GAS7: variants seen among roughly 807,000 people sequenced by gnomAD.
GAS7 encodes growth arrest-specific protein 7.
In GAS7, 28 loss-of-function variants were observed where a neutral mutation model predicts 71.1. The ratio of observed to expected loss-of-function variants is 0.39; its 90% CI spans 0.29 to 0.54. The LOEUF (loss-of-function observed/expected upper bound fraction) is 0.54. Ranked by LOEUF, GAS7 falls within the 20% of genes least tolerant of loss-of-function variation. The probability of loss-of-function intolerance (pLI) is 0.62; values close to 1 mark genes in which losing one functional copy is unlikely to be tolerated. For missense variants in GAS7, 436 were observed against 627.8 expected (o/e 0.69, Z 3.27); for synonymous variants, 258 against 245.8 (o/e 1.05, Z -0.46).
intron 1 of GAS7, among the ~76,000 whole-genome samples, chr17:10,040,581 CTT>C (rs956270966): frequency 2.2e-4 from 32 of 144,212 alleles, no homozygotes; most frequent in African/African-American, 8.0e-4. Flanking sequence ...CCCCCACCTT[CTT>C]TCTCTCTCCC....
intron 2 of GAS7, among the ~76,000 whole-genome samples, chr17:10,009,187 G>A (rs1293246305): frequency 2.7e-5 from 4 of 150,612 alleles, no homozygotes; most frequent in African/African-American, 4.9e-5. Flanking sequence ...CGGGCGTAGT[G>A]GCGGGCGCCT....
chr17:10,146,989 T>C (rs369033630), intron 1 of GAS7, among the ~76,000 whole-genome samples: 2 of 143,428 alleles, frequency 1.4e-5, no homozygotes, highest in South Asian at 2.2e-4. Context: ...CTTCCTGTAG[T>C]TAGACAATAA....
chr17:9,967,157 G>A (rs994439161), intron 4 of GAS7, among the ~76,000 whole-genome samples: 1 of 140,422 alleles, frequency 7.1e-6, no homozygotes, highest in African/African-American at 2.7e-5. Context: ...CCCCATACTG[G>A]TACCTACTTT....
At chr17:9,977,244 C>T (rs1159426062) in intron 3 of GAS7, among the ~76,000 whole-genome samples, 1 of 152,156 alleles carries the variant, frequency 6.6e-6, no homozygotes, top group African/African-American at 2.4e-5. Context: ...CATACCAGCC[C>T]CATTCAAGTA....
At chr17:10,173,892 G>A (rs2074353322) in intron 1 of GAS7, among the ~76,000 whole-genome samples, 1 of 152,228 alleles carries the variant, frequency 6.6e-6, no homozygotes, top group South Asian at 2.1e-4. Context: ...GCAGCAGCCT[G>A]GAAAGGGAAC....
At chr17:10,088,381 GCTGCCAACAAC>G (rs1210727280) in intron 1 of GAS7, among the ~76,000 whole-genome samples, 2 of 152,084 alleles carry the variant, frequency 1.3e-5, no homozygotes, top group African/African-American at 4.8e-5. Context: ...CAGGCAGCTG[GCTGCCAACAAC>G]CATCATTTTT....
At chr17:10,087,085 A>G (rs1229120327) in intron 1 of GAS7, among the ~76,000 whole-genome samples, 1 of 152,230 alleles carries the variant, frequency 6.6e-6, no homozygotes, top group Admixed American at 6.5e-5. Context: ...TTCCCACTTA[A>G]TTCCTTGGAA....
chr17:9,994,686 C>G (rs1597636672), intron 2 of GAS7, among the ~76,000 whole-genome samples: 2 of 140,034 alleles, frequency 1.4e-5, no homozygotes, highest in Admixed American at 6.9e-5. Flanking sequence ...CAAATGGGAT[C>G]TAATTAAACT....
chr17:9,993,118 C>T (rs1307403919), intron 2 of GAS7, among the ~76,000 whole-genome samples: 2 of 151,428 alleles, frequency 1.3e-5, no homozygotes, highest in African/African-American at 4.9e-5. Flanking sequence ...GGGTATATAC[C>T]CAGTAATGGG....
rs1047339 is a variant in GAS7 at position 9,912,094 on chromosome 17, A to G, written c.*5134T>C. ...CTCCAGAACATACTATCAAAGATCG[A>G]CGAATGAGATCCAAACGGTCATTAC... On this transcript the variant is annotated 3_prime_UTR_variant, in exon 14 of 14. Coordinates refer to ENST00000432992, the MANE Select transcript of GAS7 (RefSeq NM_201433.2). 0.61 allele frequency: 141,701 copies of G among 231,478 alleles called. 44,434 individuals are homozygous for G. The highest frequency in any genetic ancestry group is 0.77 in the African/African-American group (34,973 of 45,290). The allele number at this position is 231,478 out of a possible 1,614,324, so 14.3% of individuals were successfully genotyped here. A position where few individuals can be genotyped will look rare whatever the true frequency, so the allele number is the denominator to read the frequency against.
At chr17:10,093,552 CAAAAAAAAAAA>C (rs60319441) in intron 1 of GAS7, among the ~76,000 whole-genome samples, 1 of 66,056 alleles carries the variant, frequency 1.5e-5, no homozygotes, top group South Asian at 7.2e-4. Flanking sequence ...GACTCCGTCT[CAAAAAAAAAAA>C]AAAAAAAAAA....
intron 1 of GAS7, among the ~76,000 whole-genome samples, chr17:10,025,277 T>C (rs1443620661): frequency 6.6e-6 from 1 of 151,900 alleles, no homozygotes; most frequent in Non-Finnish European, 1.5e-5. Context: ...ATAATAGCTT[T>C]GTTCTAGAGA....
chr17:10,093,620 C>G (rs1279295554), intron 1 of GAS7, among the ~76,000 whole-genome samples: 3 of 150,152 alleles, frequency 2.0e-5, no homozygotes, highest in African/African-American at 7.4e-5. Context: ...AAATCAGGAG[C>G]TCCCATGGAA....
At chr17:9,968,819 A>G (rs2069830837) in intron 4 of GAS7, among the ~76,000 whole-genome samples, 1 of 152,238 alleles carries the variant, frequency 6.6e-6, no homozygotes. Flanking sequence ...CATCAACATC[A>G]TCAATATTAT....
intron 11 of GAS7, among the ~76,000 whole-genome samples, chr17:9,920,649 C>T (rs562213861): frequency 3.9e-5 from 6 of 152,304 alleles, no homozygotes; most frequent in South Asian, 4.1e-4. Flanking sequence ...GTTTATGAGA[C>T]GCTCTGGTAA....
chr17:10,020,024 C>T, intron 1 of GAS7, 127 bp from the exon 2 acceptor site: 1 of 880,012 alleles, frequency 1.1e-6, no homozygotes, highest in Non-Finnish European at 1.8e-6. Flanking sequence ...GGCCCATAAA[C>T]CCCTGAGGTC....
At position 10,102,701 on chromosome 17, in the gene GAS7, C is replaced by T. The variant is rs992036857; in HGVS notation, c.184-82804G>A. Among the ~76,000 whole-genome samples the T allele has an allele frequency of 1.6e-4, 25 of 151,778 alleles. 1 individual carries two copies. The highest frequency in any genetic ancestry group is 6.1e-4 in the African/African-American group (25 of 41,318). ...TAAAGTAGGGTACCCAGGACACACT[C>T]TATACCAATTAATTCACAACCTCCA... On this transcript the variant is annotated intron_variant, in intron 1 of 13. Coordinates refer to ENST00000432992, the MANE Select transcript of GAS7 (RefSeq NM_201433.2).
chr17:10,168,519 G>A (rs2074311560), intron 1 of GAS7, among the ~76,000 whole-genome samples: 1 of 152,174 alleles, frequency 6.6e-6, no homozygotes, highest in East Asian at 1.9e-4. Flanking sequence ...CAGTCAGGCT[G>A]TATGTCTGTT....
intron 1 of GAS7, among the ~76,000 whole-genome samples, chr17:10,028,875 TG>T (rs2072538783): frequency 6.6e-6 from 1 of 151,764 alleles, no homozygotes; most frequent in Non-Finnish European, 1.5e-5. Flanking sequence ...GCAAAGGAAA[TG>T]GGAAAAATGC....
Sources: allele counts gnomAD v4.1 joint callset (sites outside exome capture counted in the v4.1 genomes callset), GRCh38; gene constraint gnomAD v4.1.1; transcripts MANE v1.5; gene names NCBI Gene and HGNC (gene_info 2026-07-23, HGNC 2026-07-21).